ONECUT2: variants seen among roughly 807,000 people sequenced by gnomAD.
ONECUT2 encodes the protein one cut domain family member 2.
In ONECUT2, 10 loss-of-function variants were observed where a neutral mutation model predicts 27.9. The ratio of observed to expected loss-of-function variants is 0.36; its 90% CI spans 0.22 to 0.61. The LOEUF is 0.61. ONECUT2 is among the 20% of genes least tolerant of loss of function. ONECUT2 has a pLI of 0.73. For missense variants in ONECUT2, 686 were observed against 721.0 expected, an observed-to-expected ratio of 0.95 and a Z score of 0.56; for synonymous variants, 334 against 315.1, an observed-to-expected ratio of 1.06 and a Z score of -0.64.
intron 1 of ONECUT2, among the ~76,000 whole-genome samples, chr18:57,457,170 A>G (rs1247450369): frequency 1.3e-5 from 2 of 152,142 alleles, no homozygotes; most frequent in Non-Finnish European, 2.9e-5. Flanking sequence ...CAAGGTTCCA[A>G]TTTTTCCACA....
chr18:57,442,337 G>A (rs1451912783), intron 1 of ONECUT2, among the ~76,000 whole-genome samples: 4 of 151,122 alleles, frequency 2.6e-5, no homozygotes, highest in African/African-American at 9.8e-5. Flanking sequence ...GGAAAGCAGT[G>A]TTTTCCAGCC....
In ONECUT2 at chr18:57,485,219, GA is replaced by G. The variant is rs1336996468; in HGVS notation, c.*8497del. 1 of 152,132 alleles carries G rather than the reference GA, an allele frequency of 6.6e-6. No individual in the cohort carries two copies. Among genetic ancestry groups the G allele is most frequent in the East Asian group, 1.9e-4 (1 of 5,200 alleles). 9.4% of individuals were successfully genotyped at this position (152,132 alleles called of 1,614,324 possible). On this transcript the variant is annotated 3_prime_UTR_variant, in exon 2 of 2. Coordinates refer to ENST00000491143, the MANE Select transcript of ONECUT2 (RefSeq NM_004852.3). The stretch of plus-strand genomic sequence containing the variant: ...CAGTATTTATCAAGAAAGGGAACTT[GA>G]CCACCATTGGCACATGTGACATTTA...
rs2050137048 is a variant in ONECUT2, at chr18:57,435,896, G to A, written c.180G>A (p.Glu60=). ...GGGGGPGHEQ[E]LLASPSPHHA... ...GCGGGGGCCCGGGCCATGAGCAGGA[G>A]CTGCTGGCCAGCCCCAGCCCCCACC... Residue 60 remains glutamate, a synonymous_variant, in exon 1 of 2, where the codon GAG becomes GAA. Transcript: ENST00000491143. 4 of 1,115,184 alleles carry A rather than the reference G, an allele frequency of 3.6e-6. No homozygotes were observed. In the South Asian group the frequency reaches 1.3e-4, roughly 36 times the overall value. 69.1% of individuals were successfully genotyped at this position (1,115,184 alleles called of 1,614,324 possible).
chr18:57,472,679 A>G (rs774756345), intron 1 of ONECUT2, among the ~76,000 whole-genome samples: 4 of 152,092 alleles, frequency 2.6e-5, no homozygotes, highest in Non-Finnish European at 5.9e-5. Flanking sequence ...AGTCTTTAAT[A>G]TTTTTATCTT....
At chr18:57,437,352 C>G (rs1449281976) in intron 1 of ONECUT2, among the ~76,000 whole-genome samples, 1 of 152,202 alleles carries the variant, frequency 6.6e-6, no homozygotes, top group African/African-American at 2.4e-5. Context: ...TATTCAAAAC[C>G]CCATGCACTT....
chr18:57,449,271 C>T (rs2050216865), intron 1 of ONECUT2, among the ~76,000 whole-genome samples: 1 of 152,110 alleles, frequency 6.6e-6, no homozygotes, highest in Non-Finnish European at 1.5e-5. Flanking sequence ...AGATTAAGAT[C>T]CAGAAGAGGA....
chr18:57,473,812 A>G (rs991704858), intron 1 of ONECUT2, among the ~76,000 whole-genome samples: 2 of 152,236 alleles, frequency 1.3e-5, no homozygotes, highest in African/African-American at 4.8e-5. Context: ...AGACCTCAAA[A>G]CAAGGTTCCC....
chr18:57,443,408 A>G, intron 1 of ONECUT2, among the ~76,000 whole-genome samples: 1 of 152,112 alleles, frequency 6.6e-6, no homozygotes, highest in East Asian at 1.9e-4. Flanking sequence ...TCCTCCAGGG[A>G]GACAACTCTT....
intron 1 of ONECUT2, among the ~76,000 whole-genome samples, chr18:57,450,155 C>G (rs907462095): frequency 2.6e-5 from 4 of 152,178 alleles, no homozygotes; most frequent in African/African-American, 4.8e-5. Context: ...AGCTTCTTCT[C>G]TCAAAAGGGG....
In ONECUT2 at chr18:57,436,697, G is replaced by T. The variant is rs201536137; in HGVS notation, c.981G>T (p.Ser327=). Reference sequence around the variant, plus strand: ...CATCGGGCTCGCAGGTGGCCACGTCGGGCCAGCTGGAAGAAATCAACACCA... The same window carrying T: ...CATCGGGCTCGCAGGTGGCCACGTCTGGCCAGCTGGAAGAAATCAACACCA... The part of the protein sequence containing the change: ...SSSSGSQVAT[S]GQLEEINTKE... Residue 327 remains serine (S), a synonymous_variant, in exon 1 of 2, where the codon TCG becomes TCT. Transcript: ENST00000491143. The surrounding 1 kb of genome is among the most constrained non-coding windows in gnomAD (Gnocchi z 5.9). 6.2e-7 allele frequency: 1 copy of T among 1,613,476 alleles called. No homozygotes were observed. Among genetic ancestry groups the T allele is most frequent in the East Asian group, 2.2e-5 (1 of 44,870 alleles).
At position 57,436,929 on chromosome 18, in the gene ONECUT2, G is replaced by T. The variant is rs1235620930; in HGVS notation, c.1213G>T (p.Ala405Ser). 3 of 1,603,722 alleles carry T rather than the reference G, an allele frequency of 1.9e-6. No individual in the cohort carries two copies. The highest frequency in any genetic ancestry group is 2.6e-6 in the Non-Finnish European group (3 of 1,175,520). ...GGAGCCCGAGTTCCAGCGCATGTCC[G>T]CCTTACGCCTGGCAGGTAAGGCCGG... ...LQEPEFQRMS[A>S]LRLAACKRKE... Residue 405 changes from alanine (A) to serine (S), a missense_variant, in exon 1 of 2, where the codon GCC (alanine) becomes TCC (serine). Physicochemically the swap from Ala to Ser is moderately conservative, Grantham distance 99. Transcript: ENST00000491143. The surrounding 1 kb of genome is among the most constrained non-coding windows in gnomAD (Gnocchi z 5.9).
intron 1 of ONECUT2, among the ~76,000 whole-genome samples, chr18:57,439,794 C>A (rs1159686767): frequency 2.0e-5 from 3 of 152,220 alleles, no homozygotes; most frequent in Non-Finnish European, 2.9e-5. Flanking sequence ...GTCCCTGCCC[C>A]CCTCCCGCCA....
At chr18:57,470,966 C>T (rs995941442) in intron 1 of ONECUT2, among the ~76,000 whole-genome samples, 9 of 152,196 alleles carry the variant, frequency 5.9e-5, no homozygotes, top group South Asian at 2.1e-4. Flanking sequence ...ACGCACGATG[C>T]GTGACAAGCA....
rs1038205436 is a variant in ONECUT2, at chr18:57,487,979, T to C, written c.*11256T>C. The C allele has an allele frequency of 1.3e-5, 2 of 152,186 alleles. No homozygotes were observed. The highest frequency in any genetic ancestry group is 4.8e-5 in the African/African-American group (2 of 41,442). 9.4% of individuals were successfully genotyped at this position (152,186 alleles called of 1,614,324 possible). ...ACTGCCAAGCACACTTTATTTTGCATAGGAGTATGCAGCCTAGGGAACCTT... is the reference window on the plus strand; with the variant it reads ...ACTGCCAAGCACACTTTATTTTGCACAGGAGTATGCAGCCTAGGGAACCTT... On this transcript the variant is annotated 3_prime_UTR_variant, in exon 2 of 2. Transcript: ENST00000491143.
chr18:57,474,540 C>T (rs544357301), intron 1 of ONECUT2, among the ~76,000 whole-genome samples: 2 of 152,318 alleles, frequency 1.3e-5, no homozygotes, highest in South Asian at 4.1e-4. Context: ...GACTTTCTCA[C>T]TGTGTCCTCC....
chr18:57,448,220 A>G (rs1362102392), intron 1 of ONECUT2, among the ~76,000 whole-genome samples: 1 of 152,224 alleles, frequency 6.6e-6, no homozygotes, highest in Non-Finnish European at 1.5e-5. Context: ...AAATAACTTT[A>G]GTTCAGACCT....
chr18:57,450,979 C>T (rs1174707137), intron 1 of ONECUT2, among the ~76,000 whole-genome samples: 1 of 152,100 alleles, frequency 6.6e-6, no homozygotes, highest in Non-Finnish European at 1.5e-5. Flanking sequence ...TTTGACTTTA[C>T]TGTATATTTA....
intron 1 of ONECUT2, among the ~76,000 whole-genome samples, chr18:57,451,791 A>G (rs1344183970): frequency 3.3e-5 from 5 of 152,288 alleles, no homozygotes; most frequent in East Asian, 3.9e-4. Flanking sequence ...TCATGAATCC[A>G]AGTATTCCAC....
At chr18:57,468,225 G>A (rs1376457088) in intron 1 of ONECUT2, among the ~76,000 whole-genome samples, 4 of 152,150 alleles carry the variant, frequency 2.6e-5, no homozygotes, top group South Asian at 2.1e-4. Flanking sequence ...CACTGGCTCC[G>A]CTGCCTGTCT....
Sources: allele counts gnomAD v4.1 joint callset (sites outside exome capture counted in the v4.1 genomes callset), GRCh38; gene constraint gnomAD v4.1.1; non-coding constraint Gnocchi (gnomAD v3.1); transcripts MANE v1.5; gene names NCBI Gene and HGNC (gene_info 2026-07-23, HGNC 2026-07-21).